Variants in HECTD2 observed in about 807,000 individuals in gnomAD.
HECTD2 encodes probable E3 ubiquitin-protein ligase HECTD2.
Under a neutral mutation model 103.2 loss-of-function variants are expected in HECTD2, and 35 were observed. The ratio of observed to expected loss-of-function variants is 0.34; its 90% CI spans 0.26 to 0.45. The LOEUF (loss-of-function observed/expected upper bound fraction) is 0.45, where lower values mean the gene tolerates loss of function less well. Ranked by LOEUF, HECTD2 falls within the 20% of genes least tolerant of loss-of-function variation. The probability of loss-of-function intolerance (pLI) is 1.00; values close to 1 mark genes in which losing one functional copy is unlikely to be tolerated. For synonymous variants in HECTD2, 281 were observed against 329.9 expected (o/e 0.85, Z 1.61); for missense variants, 596 against 937.4 (o/e 0.64, Z 4.76).
At chr10:91,486,147 G>A (rs1275066920) in intron 10 of HECTD2, 2 of 152,084 alleles carry the variant, frequency 1.3e-5, no homozygotes, top group Non-Finnish European at 2.9e-5. Context: ...CCCCAGATTA[G>A]TTTGTAAATT....
At chr10:91,417,235 A>G (rs1052096225) in intron 1 of HECTD2, among the ~76,000 whole-genome samples, 9 of 152,046 alleles carry the variant, frequency 5.9e-5, no homozygotes, top group Admixed American at 5.9e-4. Context: ...ATAACTACTT[A>G]CTCTTAAGTT....
intron 1 of HECTD2, among the ~76,000 whole-genome samples, chr10:91,411,325 G>A (rs1842910368): frequency 6.6e-6 from 1 of 151,922 alleles, no homozygotes; most frequent in South Asian, 2.1e-4. Flanking sequence ...TTTTACTGGT[G>A]GTTGTGACTG....
chr10:91,477,138 G>A (rs1054872616), intron 5 of HECTD2, among the ~76,000 whole-genome samples: 5 of 147,400 alleles, frequency 3.4e-5, no homozygotes, highest in African/African-American at 1.0e-4. Context: ...CCGAGATTGC[G>A]CCACTGCAGT....
chr10:91,487,849 A>T lies in HECTD2; in HGVS notation c.1191+71A>T. On this transcript the variant is annotated intron_variant, in intron 11 of 20. Transcript: ENST00000298068. The surrounding 1 kb of genome is among the most constrained non-coding windows in gnomAD (Gnocchi z 4.1). ...AGTAAATAATTTAATAAATAATTTA[A>T]ATGTCTTGTGAATTGTTCTAGCATA... 1 of 908,386 alleles carries T rather than the reference A, an allele frequency of 1.1e-6. No homozygotes were observed. Among genetic ancestry groups the T allele is most frequent in the Non-Finnish European group, 1.6e-6 (1 of 607,112 alleles). The allele number at this position is 908,386 out of a possible 1,614,324, so 56.3% of individuals were successfully genotyped here.
chr10:91,413,924 A>C (rs1188881169), intron 1 of HECTD2, among the ~76,000 whole-genome samples: 1 of 152,198 alleles, frequency 6.6e-6, no homozygotes, highest in Non-Finnish European at 1.5e-5. Context: ...AAAGAATTTG[A>C]AGTAATGTAT....
At chr10:91,458,849 T>TA (rs1845223815) in intron 2 of HECTD2, among the ~76,000 whole-genome samples, 2 of 151,950 alleles carry the variant, frequency 1.3e-5, no homozygotes, top group Admixed American at 1.3e-4. Context: ...ACACCAAAAG[T>TA]ACAATCCATA....
chr10:91,513,099 A>G lies in HECTD2; in HGVS notation c.*715A>G, dbSNP rs889019276. Reference sequence around the variant, plus strand: ...TTTCAGACTAATTGGATTCAAGGTTATATTCTTTTAAGTGTTGTTAGTCTG... The same window carrying G: ...TTTCAGACTAATTGGATTCAAGGTTGTATTCTTTTAAGTGTTGTTAGTCTG... On this transcript the variant is annotated 3_prime_UTR_variant, in exon 21 of 21. Coordinates refer to ENST00000298068, the MANE Select transcript of HECTD2 (RefSeq NM_182765.6). 4 of 152,618 alleles carry G rather than the reference A, an allele frequency of 2.6e-5. No individual in the cohort carries two copies. Among genetic ancestry groups the G allele is most frequent in the African/African-American group, 9.6e-5 (4 of 41,456 alleles). 9.5% of individuals were successfully genotyped at this position (152,618 alleles called of 1,614,324 possible). A position where few individuals can be genotyped will look rare whatever the true frequency, so the allele number is the denominator to read the frequency against.
chr10:91,499,693 A>G (rs1469740786), intron 18 of HECTD2, among the ~76,000 whole-genome samples: 1 of 152,198 alleles, frequency 6.6e-6, no homozygotes, highest in South Asian at 2.1e-4. Flanking sequence ...GAAGTATCAT[A>G]GGATACCTTT....
chr10:91,417,283 A>AG (rs1486671860), intron 1 of HECTD2, among the ~76,000 whole-genome samples: 1 of 152,184 alleles, frequency 6.6e-6, no homozygotes, highest in Non-Finnish European at 1.5e-5. Context: ...GTGACATTCT[A>AG]GTGAGCCATC....
chr10:91,422,339 A>C (rs1336405623), intron 1 of HECTD2, among the ~76,000 whole-genome samples: 3 of 152,170 alleles, frequency 2.0e-5, no homozygotes, highest in Non-Finnish European at 4.4e-5. Context: ...AATGCCTTCT[A>C]TGTGTTAAAT....
chr10:91,495,244 A>G (rs1846624718), intron 14 of HECTD2, among the ~76,000 whole-genome samples: 1 of 152,036 alleles, frequency 6.6e-6, no homozygotes, highest in African/African-American at 2.4e-5. Flanking sequence ...AGGTATGAAC[A>G]TTGAGAAAAT....
intron 7 of HECTD2, 71 bp from the exon 8 acceptor site, chr10:91,482,896 A>T (rs757568322): frequency 1.6e-6 from 1 of 636,204 alleles, no homozygotes; most frequent in Non-Finnish European, 2.7e-6. Context: ...CCACGTACTT[A>T]TTAAGCTTAG....
chr10:91,504,996 C>A (rs921756177), intron 20 of HECTD2, among the ~76,000 whole-genome samples: 4 of 152,018 alleles, frequency 2.6e-5, no homozygotes, highest in African/African-American at 7.3e-5. Flanking sequence ...GAATTTTCAA[C>A]CCAGAATTTC....
intron 7 of HECTD2, among the ~76,000 whole-genome samples, chr10:91,482,586 G>C (rs1846132381): frequency 6.6e-6 from 1 of 151,832 alleles, no homozygotes; most frequent in Non-Finnish European, 1.5e-5. Flanking sequence ...ATTTATGAAG[G>C]CACTTTTTAT....
intron 5 of HECTD2, among the ~76,000 whole-genome samples, chr10:91,475,125 G>A (rs772766977): frequency 3.3e-5 from 5 of 152,146 alleles, no homozygotes; most frequent in Non-Finnish European, 4.4e-5. Flanking sequence ...GAGTGTTTTC[G>A]GCAGGGATCA....
At chr10:91,508,625 C>T (rs1195683498) in intron 20 of HECTD2, among the ~76,000 whole-genome samples, 1 of 148,826 alleles carries the variant, frequency 6.7e-6, no homozygotes, top group Non-Finnish European at 1.5e-5. Flanking sequence ...CAGGAAACAA[C>T]AGGTGCTGGA....
intron 8 of HECTD2, among the ~76,000 whole-genome samples, chr10:91,483,605 C>T (rs902810316): frequency 6.6e-6 from 1 of 151,770 alleles, no homozygotes; most frequent in African/African-American, 2.4e-5. Context: ...AGTAGAAAGG[C>T]AAAATATTTC....
intron 18 of HECTD2, among the ~76,000 whole-genome samples, chr10:91,499,996 AG>A (rs1846834950): frequency 1.3e-5 from 2 of 152,332 alleles, no homozygotes; most frequent in East Asian, 3.9e-4. Context: ...GAGTGGACAG[AG>A]GGAAAATAAG....
At chr10:91,503,689 G>A (rs1044647255) in intron 20 of HECTD2, among the ~76,000 whole-genome samples, 3 of 152,202 alleles carry the variant, frequency 2.0e-5, no homozygotes, top group East Asian at 1.9e-4. Context: ...AGGCGGCAGC[G>A]AGGCTGGGGG....
Sources: gnomAD v4.1 joint callset for allele counts (sites outside exome capture counted in the v4.1 genomes callset) on GRCh38, gnomAD v4.1.1 for gene constraint, Gnocchi (gnomAD v3.1) non-coding constraint, MANE v1.5 for transcripts, NCBI Gene and HGNC (gene_info 2026-07-23, HGNC 2026-07-21) for gene names.